The following PRKAR2B variants were observed in gnomAD, a reference collection of about 807,000 sequenced individuals.
PRKAR2B encodes protein kinase cAMP-dependent type II regulatory subunit beta.
Under a neutral mutation model 49.9 loss-of-function variants are expected in PRKAR2B, and 14 were observed. That is an observed-to-expected ratio of 0.28 (90% CI 0.19 to 0.44). The LOEUF (loss-of-function observed/expected upper bound fraction) is 0.44, where lower values mean the gene tolerates loss of function less well. PRKAR2B is among the 20% of genes least tolerant of loss of function. The pLI, the probability that PRKAR2B is intolerant of heterozygous loss-of-function variation, is 1.00. For synonymous variants in PRKAR2B, 196 were observed against 197.7 expected (o/e 0.99, Z 0.07); for missense variants, 393 against 537.9 (o/e 0.73, Z 2.67).
At chr7:107,151,114 TA>T (rs556859187) in intron 7 of PRKAR2B, 91 bp downstream of exon 7, 303 of 665,836 alleles carry the variant, frequency 4.6e-4, no homozygotes, top group South Asian at 7.1e-4. Context: ...TTTCTTTGAA[TA>T]AAAAAAAATC....
intron 2 of PRKAR2B, among the ~76,000 whole-genome samples, chr7:107,102,468 C>A (rs1425202219): frequency 2.0e-5 from 3 of 152,306 alleles, no homozygotes; most frequent in South Asian, 2.1e-4. Flanking sequence ...GTCTATGGAG[C>A]AGCCATTTGG....
chr7:107,081,092 T>C (rs186471580), intron 2 of PRKAR2B, among the ~76,000 whole-genome samples: 50 of 152,356 alleles, frequency 3.3e-4, no homozygotes, highest in Non-Finnish European at 5.7e-4. Flanking sequence ...ATAATTTTAG[T>C]GTCTCTTCTT....
intron 1 of PRKAR2B, among the ~76,000 whole-genome samples, chr7:107,058,396 A>T (rs1228509378): frequency 6.6e-6 from 1 of 152,204 alleles, no homozygotes; most frequent in Non-Finnish European, 1.5e-5. Context: ...TATAAAAGTA[A>T]GCTCATGGTG....
rs1325027477 is a variant in PRKAR2B, at chr7:107,142,633, A to G, written c.587+1680A>G. Among the ~76,000 whole-genome samples, 4 of 152,218 alleles carry G rather than the reference A, an allele frequency of 2.6e-5. No individual in the cohort carries two copies. In the South Asian group the frequency reaches 8.3e-4, roughly 32 times the overall value. On this transcript the variant is annotated intron_variant, in intron 5 of 10. Coordinates refer to ENST00000265717, the MANE Select transcript of PRKAR2B (RefSeq NM_002736.3). Reference sequence around the variant, plus strand: ...GACAGCACTTGGTTCAGATCACCCAAATGACTGGCGTAGAGCCAACTCCAC... The same window carrying G: ...GACAGCACTTGGTTCAGATCACCCAGATGACTGGCGTAGAGCCAACTCCAC...
chr7:107,094,197 C>T lies in PRKAR2B; in HGVS notation c.343+23881C>T, dbSNP rs60375584. Among the ~76,000 whole-genome samples the T allele has an allele frequency of 7.5e-3, 1,145 of 152,186 alleles. 5 individuals carry two copies. The highest frequency in any genetic ancestry group is 0.014 in the African/African-American group (584 of 41,530). ...TGTTGTTTCCTGACTTTTTAATGAT[C>T]GCCATTCTAACTGGTGTGAGATGGT... is the stretch of plus-strand genomic sequence containing the variant. On this transcript the variant is annotated intron_variant, in intron 2 of 10. Coordinates refer to ENST00000265717, the MANE Select transcript of PRKAR2B (RefSeq NM_002736.3).
chr7:107,045,347 A>C, intron 1 of PRKAR2B, 133 bp downstream of exon 1: 13 of 718,088 alleles, frequency 1.8e-5, no homozygotes, highest in South Asian at 6.4e-5. Context: ...CTACCTTCCC[A>C]TCTCGCCCAC....
At chr7:107,126,944 C>T (rs1202682693) in intron 3 of PRKAR2B, among the ~76,000 whole-genome samples, 4 of 151,978 alleles carry the variant, frequency 2.6e-5, no homozygotes, top group Non-Finnish European at 5.9e-5. Context: ...GTGCAGTGAC[C>T]CTTTCTCTTA....
intron 8 of PRKAR2B, 74 bp from the exon 9 acceptor site, chr7:107,156,910 G>T (rs762068177): frequency 7.8e-6 from 10 of 1,275,054 alleles, no homozygotes; most frequent in African/African-American, 2.9e-5. Flanking sequence ...CAATTTTAGG[G>T]ATATGAAAGG....
chr7:107,144,379 C>A (rs1184535488), intron 5 of PRKAR2B, among the ~76,000 whole-genome samples: 1 of 152,096 alleles, frequency 6.6e-6, no homozygotes. Context: ...AACCACTGTG[C>A]CTGGCCATGA....
At chr7:107,047,808 A>G (rs1003623249) in intron 1 of PRKAR2B, among the ~76,000 whole-genome samples, 1 of 152,148 alleles carries the variant, frequency 6.6e-6, no homozygotes, top group African/African-American at 2.4e-5. Flanking sequence ...ACCCTGTACC[A>G]TTTTTGGAGA....
intron 2 of PRKAR2B, among the ~76,000 whole-genome samples, chr7:107,099,834 C>T (rs2116811754): frequency 6.6e-6 from 1 of 152,126 alleles, no homozygotes; most frequent in Non-Finnish European, 1.5e-5. Context: ...CGGGGTTTCA[C>T]CATGTTAGCC....
chr7:107,067,425 C>T (rs1794174224), intron 1 of PRKAR2B: 1 of 152,250 alleles, frequency 6.6e-6, no homozygotes, highest in East Asian at 1.9e-4. Flanking sequence ...ATACCACTTG[C>T]TTGGTGCACC....
At chr7:107,142,872 C>T (rs1413717056) in intron 5 of PRKAR2B, among the ~76,000 whole-genome samples, 3 of 151,988 alleles carry the variant, frequency 2.0e-5, no homozygotes, top group Non-Finnish European at 4.4e-5. Flanking sequence ...AAGCGATTCT[C>T]CTGCCTCAGC....
intron 2 of PRKAR2B, among the ~76,000 whole-genome samples, chr7:107,096,220 G>C (rs368444733): frequency 6.6e-6 from 1 of 152,078 alleles, no homozygotes; most frequent in Non-Finnish European, 1.5e-5. Context: ...CTTTTTCCTC[G>C]TTTAGTCCTG....
intron 2 of PRKAR2B, among the ~76,000 whole-genome samples, chr7:107,117,097 A>G (rs947721077): frequency 1.4e-5 from 2 of 147,872 alleles, no homozygotes; most frequent in Middle Eastern, 3.5e-3. Context: ...TTACTGCCAC[A>G]GAAATACCGT....
At position 107,060,274 on chromosome 7, in the gene PRKAR2B, G is replaced by C. The variant is rs1181538171; in HGVS notation, c.308-10007G>C. The stretch of plus-strand genomic sequence containing the variant: ...CTAAGTGTGGAAAGGTTGATTGTAG[G>C]GGTGCACAGCTTTGACTTCACCTCA... On this transcript the variant is annotated intron_variant, in intron 1 of 10. Coordinates refer to ENST00000265717, the MANE Select transcript of PRKAR2B (RefSeq NM_002736.3). 2.0e-5 allele frequency among the ~76,000 whole-genome samples: 3 copies of C among 152,032 alleles called. No individual in the cohort carries two copies. In the East Asian group the frequency reaches 5.8e-4, roughly 29 times the overall value.
At chr7:107,075,939 T>C (rs75403837) in intron 2 of PRKAR2B, among the ~76,000 whole-genome samples, 9,446 of 152,236 alleles carry the variant, frequency 0.062, 419 homozygotes, top group African/African-American at 0.12. Context: ...TGTCTCTGAA[T>C]TGGGGAGGGG....
Position 107,119,435 on chromosome 7 carries a change from C to T in PRKAR2B, c.344-2517C>T, listed in dbSNP as rs373524208. Among the ~76,000 whole-genome samples, 27 of 152,128 alleles carry T rather than the reference C, an allele frequency of 1.8e-4. No individual in the cohort carries two copies. The East Asian group carries it at 2.1e-3, about 12-fold the overall frequency. On this transcript the variant is annotated intron_variant, in intron 2 of 10. Coordinates refer to ENST00000265717, the MANE Select transcript of PRKAR2B (RefSeq NM_002736.3). ...GGCCCATATATGGTGGTTTTTGTTT[C>T]GTTTTGTTTTGTTTTGTTTTTGCAC...
chr7:107,088,185 C>T (rs1794656838), intron 2 of PRKAR2B, among the ~76,000 whole-genome samples: 2 of 152,134 alleles, frequency 1.3e-5, no homozygotes, highest in Admixed American at 1.3e-4. Context: ...GAGTTTGAAT[C>T]CAGTGAGCCA....
Sources: allele counts gnomAD v4.1 joint callset (sites outside exome capture counted in the v4.1 genomes callset), GRCh38; gene constraint gnomAD v4.1.1; transcripts MANE v1.5; gene names NCBI Gene and HGNC (gene_info 2026-07-23, HGNC 2026-07-21).